The following TDRD12 variants were observed in gnomAD, a reference collection of about 807,000 sequenced individuals.
TDRD12 encodes the protein tudor domain containing 12.
TDRD12 carries 158 observed loss-of-function variants against 133.5 expected under a neutral mutation model. That is an observed-to-expected ratio of 1.18 (90% CI 1.04 to 1.35). The LOEUF (loss-of-function observed/expected upper bound fraction) is 1.35, where lower values mean the gene tolerates loss of function less well. TDRD12 is among the 40% of genes most tolerant of loss of function. The pLI is 0.00. For synonymous variants in TDRD12, 460 were observed against 477.9 expected (o/e 0.96, Z 0.49); for missense variants, 1,443 against 1,321.3 (o/e 1.09, Z -1.43).
intron 11 of TDRD12, among the ~76,000 whole-genome samples, chr19:32,777,809 T>G (rs116566844): frequency 0.018 from 1,104 of 61,464 alleles, 28 homozygotes; most frequent in African/African-American, 0.071. Flanking sequence ...CATAACTGAT[T>G]TACATATATA....
chr19:32,720,137 T>TGCCCCCC, intron 1 of TDRD12, 41 bp downstream of exon 1: 1 of 1,520,040 alleles, frequency 6.6e-7, no homozygotes, highest in African/African-American at 1.5e-5. Flanking sequence ...ACCCACGCAG[T>TGCCCCCC]CCCCCACCCC....
intron 14 of TDRD12, 81 bp downstream of exon 14, chr19:32,794,894 G>T (rs192933231): frequency 1.6e-6 from 1 of 644,094 alleles, no homozygotes; most frequent in East Asian, 2.7e-5. Context: ...TTTGAGGAAG[G>T]TCGTCTATTA....
chr19:32,745,252 C>G (rs921711527), intron 4 of TDRD12, among the ~76,000 whole-genome samples: 3 of 152,236 alleles, frequency 2.0e-5, no homozygotes, highest in African/African-American at 7.2e-5. Context: ...TTGACCTTCT[C>G]TGCATGGGCT....
exon 4 of TDRD12, chr19:32,742,814 T>C (rs1969473201): frequency 1.3e-6 from 2 of 1,551,952 alleles, no homozygotes; most frequent in East Asian, 2.4e-5. Flanking sequence ...TTATGCAGCT[T>C]CCCTATAGAG....
chr19:32,810,836 G>A lies in TDRD12; in HGVS notation c.2838-374G>A, dbSNP rs139947175. Among the ~76,000 whole-genome samples the A allele has an allele frequency of 4.0e-3, 612 of 152,230 alleles. 4 individuals are homozygous for A. Among genetic ancestry groups the A allele is most frequent in the Admixed American group, 8.4e-3 (129 of 15,290 alleles). On this transcript the variant is annotated intron_variant, in intron 23 of 27. Coordinates refer to ENST00000444215, the Ensembl canonical transcript of TDRD12. Reference sequence around the variant, plus strand: ...GAGCCCAGGAGGTCGAGGCTGCATTGAGCTATGATCATGCCACTGCACTCC... The same window carrying A: ...GAGCCCAGGAGGTCGAGGCTGCATTAAGCTATGATCATGCCACTGCACTCC...
intron 9 of TDRD12, 149 bp from the exon 10 acceptor site, chr19:32,773,307 G>T (rs1970488842): frequency 1.4e-6 from 1 of 698,910 alleles, no homozygotes; most frequent in East Asian, 2.8e-5. Context: ...CAACTTTCCA[G>T]TTTTTTATCT....
chr19:32,769,856 G>A (rs2868189), intron 8 of TDRD12, among the ~76,000 whole-genome samples: 58,528 of 151,828 alleles, frequency 0.39, 11,533 homozygotes, highest in East Asian at 0.48. Flanking sequence ...GGCTGGTCTC[G>A]AACTCCCGAC....
At chr19:32,798,886 G>C (rs990822515) in intron 16 of TDRD12, among the ~76,000 whole-genome samples, 8 of 152,194 alleles carry the variant, frequency 5.3e-5, no homozygotes, top group African/African-American at 1.7e-4. Flanking sequence ...TTTGTAGCCT[G>C]CATTGTGCAG....
chr19:32,719,840 G>C, exon 1 of TDRD12: 3 of 586,690 alleles, frequency 5.1e-6, no homozygotes, highest in Non-Finnish European at 9.1e-6. Context: ...CGCAGCGAGG[G>C]GCTGGTTACT....
intron 5 of TDRD12, among the ~76,000 whole-genome samples, chr19:32,749,551 T>C (rs552627789): frequency 6.6e-6 from 1 of 151,948 alleles, no homozygotes; most frequent in African/African-American, 2.4e-5. Flanking sequence ...TTGGGAGGCA[T>C]GGAGAAGAGA....
At chr19:32,826,060 A>C, downstream of TDRD12, 3 of 1,499,560 alleles carry the variant, frequency 2.0e-6, no homozygotes, top group Non-Finnish European at 2.7e-6. Flanking sequence ...GTTACATATA[A>C]ATAACCTGTA....
At chr19:32,727,290 A>C (rs1019279043) in intron 1 of TDRD12, among the ~76,000 whole-genome samples, 2 of 152,162 alleles carry the variant, frequency 1.3e-5, no homozygotes, top group African/African-American at 4.8e-5. Context: ...GTCTATTCAA[A>C]TCCTTTGCCC....
intron 25 of TDRD12, among the ~76,000 whole-genome samples, chr19:32,814,816 C>G (rs2145739208): frequency 6.6e-6 from 1 of 152,308 alleles, no homozygotes; most frequent in South Asian, 2.1e-4. Context: ...CCCCGGTGGA[C>G]ACACATTCCT....
rs577416206 is a variant in TDRD12 at position 32,765,726 on chromosome 19, C to T, written c.866-7027C>T. On this transcript the variant is annotated intron_variant, in intron 8 of 27. Transcript: ENST00000444215. Reference sequence around the variant, plus strand: ...ACACAGGAAGGGGAACATCACACACCGGGGGCCTGTTGTGGGGTGGGGGTC... The same window carrying T: ...ACACAGGAAGGGGAACATCACACACTGGGGGCCTGTTGTGGGGTGGGGGTC... Among the ~76,000 whole-genome samples, 11 of 93,380 alleles carry T rather than the reference C, an allele frequency of 1.2e-4. No individual in the cohort carries two copies. In the South Asian group the frequency reaches 2.3e-3, roughly 20 times the overall value. The allele number at this position is 93,380 out of a possible 152,430, so 61.3% of individuals were successfully genotyped here.
chr19:32,759,131 A>T lies in TDRD12; in HGVS notation c.865+2001A>T, dbSNP rs556945681. 2.1e-3 allele frequency among the ~76,000 whole-genome samples: 315 copies of T among 152,288 alleles called. 2 individuals carry two copies. The highest frequency in any genetic ancestry group is 7.3e-3 in the African/African-American group (305 of 41,556). Reference sequence around the variant, plus strand: ...GTGGCGTGTGCCTGTAGTCCCAGCTACTCAAGAACTTATTTGCTGCATGAT... The same window carrying T: ...GTGGCGTGTGCCTGTAGTCCCAGCTTCTCAAGAACTTATTTGCTGCATGAT... On this transcript the variant is annotated intron_variant, in intron 8 of 27. Transcript: ENST00000444215.
Position 32,801,887 on chromosome 19 carries a change from T to A in TDRD12, c.2197+14T>A. 9.9e-7 allele frequency: 1 copy of A among 1,014,096 alleles called. No individual in the cohort carries two copies. Among genetic ancestry groups the A allele is most frequent in the East Asian group, 2.9e-5 (1 of 35,086 alleles). The allele number at this position is 1,014,096 out of a possible 1,614,324, so 62.8% of individuals were successfully genotyped here. A position where few individuals can be genotyped will look rare whatever the true frequency, so the allele number is the denominator to read the frequency against. On this transcript the variant is annotated intron_variant, in intron 19 of 27. Transcript: ENST00000444215. The stretch of plus-strand genomic sequence containing the variant: ...AAATTATATTAGGTAAGTGTTTTAA[T>A]TTCTACTTCTATTTAGTGAAGGTTG...
At chr19:32,723,753 T>C (rs1449646416) in intron 1 of TDRD12, among the ~76,000 whole-genome samples, 1 of 152,086 alleles carries the variant, frequency 6.6e-6, no homozygotes, top group Non-Finnish European at 1.5e-5. Context: ...ATATCTATAC[T>C]TATTTAGATC....
At chr19:32,805,413 G>A (rs1306965208) in intron 21 of TDRD12, among the ~76,000 whole-genome samples, 3 of 151,420 alleles carry the variant, frequency 2.0e-5, no homozygotes, top group Admixed American at 6.6e-5. Flanking sequence ...AAAAAAATAT[G>A]TGTGTAATAT....
chr19:32,801,005 G>A (rs1267013049), intron 18 of TDRD12, among the ~76,000 whole-genome samples: 1 of 151,976 alleles, frequency 6.6e-6, no homozygotes, highest in African/African-American at 2.4e-5. Context: ...GCGTTCCCCA[G>A]GGCAGGGCAG....
Sources: gnomAD v4.1 joint callset for allele counts (sites outside exome capture counted in the v4.1 genomes callset) on GRCh38, gnomAD v4.1.1 for gene constraint, MANE v1.5 for transcripts, NCBI Gene and HGNC (gene_info 2026-07-23, HGNC 2026-07-21) for gene names.